The following WWC1 variants were observed in gnomAD, a reference collection of about 807,000 sequenced individuals.
The protein encoded by WWC1 is WW and C2 domain containing 1.
In WWC1, 55 loss-of-function variants were observed where a neutral mutation model predicts 138.4. That is an observed-to-expected ratio of 0.40 (90% confidence interval 0.32 to 0.50). The LOEUF (loss-of-function observed/expected upper bound fraction) is 0.50, where lower values mean the gene tolerates loss of function less well. Among genes scored for constraint, WWC1 ranks in the 20% least tolerant of loss-of-function variants. The pLI, the probability that WWC1 is intolerant of heterozygous loss-of-function variation, is 0.72. For missense variants in WWC1, 1,226 were observed against 1,420.4 expected (o/e 0.86, Z 2.20); for synonymous variants, 524 against 564.9 (o/e 0.93, Z 1.03).
At chr5:168,336,308 C>A (rs138596540) in intron 1 of WWC1, among the ~76,000 whole-genome samples, 1 of 152,032 alleles carries the variant, frequency 6.6e-6, no homozygotes, top group Admixed American at 6.5e-5. Context: ...CGGTGGCTCA[C>A]GCCTGTAATC....
intron 9 of WWC1, among the ~76,000 whole-genome samples, chr5:168,416,988 C>T (rs1438089391): frequency 6.6e-6 from 1 of 152,144 alleles, no homozygotes; most frequent in African/African-American, 2.4e-5. Context: ...CTGACTTAGC[C>T]TCCCGAGTAG....
chr5:168,382,060 T>G (rs1177267624), intron 2 of WWC1, among the ~76,000 whole-genome samples: 1 of 152,156 alleles, frequency 6.6e-6, no homozygotes, highest in Non-Finnish European at 1.5e-5. Context: ...GAACCCTTAC[T>G]GCAGCATTGA....
intron 14 of WWC1, among the ~76,000 whole-genome samples, chr5:168,430,862 G>A (rs1177489525): frequency 1.3e-5 from 2 of 152,196 alleles, no homozygotes; most frequent in African/African-American, 2.4e-5. Flanking sequence ...GCCTGTGAGG[G>A]TGGCACATGT....
chr5:168,437,961 TA>T (rs1434612888), intron 15 of WWC1, among the ~76,000 whole-genome samples: 3 of 152,208 alleles, frequency 2.0e-5, no homozygotes, highest in Admixed American at 2.0e-4. Context: ...AGGGAGTTTT[TA>T]CTGAATGAAT....
At chr5:168,346,257 A>G (rs1158561244) in intron 1 of WWC1, among the ~76,000 whole-genome samples, 1 of 152,178 alleles carries the variant, frequency 6.6e-6, no homozygotes, top group Non-Finnish European at 1.5e-5. Flanking sequence ...AAGTATAAAC[A>G]CTGTAAGGAG....
intron 21 of WWC1, 24 bp from the exon 22 acceptor site, chr5:168,467,816 C>T: frequency 6.2e-7 from 1 of 1,614,086 alleles, no homozygotes; most frequent in Non-Finnish European, 8.5e-7. Flanking sequence ...TCCACTGACT[C>T]AGGGCCTTGC....
chr5:168,308,022 G>A (rs1770738675), intron 1 of WWC1, among the ~76,000 whole-genome samples: 1 of 152,126 alleles, frequency 6.6e-6, no homozygotes, highest in Non-Finnish European at 1.5e-5. Flanking sequence ...GTGCCTGAAC[G>A]GCCTGTGGGC....
chr5:168,306,268 C>CGCCTGTAA (rs1228299429), intron 1 of WWC1, among the ~76,000 whole-genome samples: 5 of 152,066 alleles, frequency 3.3e-5, no homozygotes, highest in African/African-American at 4.8e-5. Context: ...TAGTGGCACA[C>CGCCTGTAA]TCCTGTAATA....
intron 1 of WWC1, among the ~76,000 whole-genome samples, chr5:168,338,311 A>AG (rs1292988894): frequency 8.4e-6 from 1 of 118,796 alleles, no homozygotes. Flanking sequence ...ACTTTGCCTC[A>AG]AAAAAAAAAA....
At chr5:168,351,083 G>A (rs1774913950) in intron 1 of WWC1, among the ~76,000 whole-genome samples, 3 of 151,362 alleles carry the variant, frequency 2.0e-5, no homozygotes, top group Admixed American at 2.0e-4. Flanking sequence ...GGAGATGGAG[G>A]TTGCAGTGAG....
intron 19 of WWC1, among the ~76,000 whole-genome samples, chr5:168,456,052 C>T (rs1582369583): frequency 1.3e-5 from 2 of 152,186 alleles, no homozygotes; most frequent in South Asian, 4.1e-4. Context: ...GTAAGCCCAA[C>T]ACTTCGGGAG....
At chr5:168,387,532 T>C (rs1246546169) in intron 3 of WWC1, among the ~76,000 whole-genome samples, 2 of 152,176 alleles carry the variant, frequency 1.3e-5, no homozygotes, top group Non-Finnish European at 2.9e-5. Flanking sequence ...TAAAATACCA[T>C]AGATTGGGTG....
At chr5:168,432,821 A>C (rs1224973011) in intron 15 of WWC1, among the ~76,000 whole-genome samples, 1 of 152,180 alleles carries the variant, frequency 6.6e-6, no homozygotes, top group African/African-American at 2.4e-5. Flanking sequence ...GTATGTGCAA[A>C]GGGGAAAAAC....
intron 3 of WWC1, among the ~76,000 whole-genome samples, chr5:168,390,423 C>T (rs1229018586): frequency 1.3e-5 from 2 of 152,158 alleles, no homozygotes; most frequent in Non-Finnish European, 2.9e-5. Flanking sequence ...CTCCCAAGAG[C>T]TCCACTGGCC....
intron 13 of WWC1, 56 bp from the exon 14 acceptor site, chr5:168,430,081 A>C: frequency 7.4e-7 from 1 of 1,358,298 alleles, no homozygotes; most frequent in Non-Finnish European, 1.0e-6. Context: ...GAGAGAAGGA[A>C]TGAGAGAGAT....
In WWC1 at chr5:168,339,853, C is replaced by G. The variant is rs1283849695; in HGVS notation, c.120-31571C>G. Reference sequence around the variant, plus strand: ...TTCTTTTTCTTTTCTTTCTTTCTTTCTCTCTTTCTCTCTCTCTCTCTCCCT... The same window carrying G: ...TTCTTTTTCTTTTCTTTCTTTCTTTGTCTCTTTCTCTCTCTCTCTCTCCCT... On this transcript the variant is annotated intron_variant, in intron 1 of 22. Transcript: ENST00000265293. Among the ~76,000 whole-genome samples the G allele has an allele frequency of 1.4e-5, 2 of 138,506 alleles. 1 individual carries two copies. Among genetic ancestry groups the G allele is most frequent in the South Asian group, 4.4e-4 (2 of 4,542 alleles). 90.9% of individuals were successfully genotyped at this position (138,506 alleles called of 152,430 possible). A position where few individuals can be genotyped will look rare whatever the true frequency, so the allele number is the denominator to read the frequency against.
Position 168,406,182 on chromosome 5 carries a change from A to G in WWC1, c.591-16A>G, listed in dbSNP as rs1446457842. ...ACCCTATCTAAGGCTGACCTTTCCCATTAACTGTCTCCTAGAATCGATAAG... is the reference window on the plus strand; with the variant it reads ...ACCCTATCTAAGGCTGACCTTTCCCGTTAACTGTCTCCTAGAATCGATAAG... On this transcript the variant is annotated splice_polypyrimidine_tract_variant and intron_variant, in intron 5 of 22. Coordinates refer to ENST00000265293, the MANE Select transcript of WWC1 (RefSeq NM_015238.3). 6.8e-6 allele frequency: 11 copies of G among 1,613,108 alleles called. No individual in the cohort carries two copies. Among genetic ancestry groups the G allele is most frequent in the Non-Finnish European group, 9.3e-6 (11 of 1,179,402 alleles).
At chr5:168,425,658 A>AT (rs201393086) in intron 11 of WWC1, among the ~76,000 whole-genome samples, 46,823 of 146,796 alleles carry the variant, frequency 0.32, 7,913 homozygotes, top group East Asian at 0.62. Flanking sequence ...TGCCTGGCTA[A>AT]TTTTTTTTTT....
At chr5:168,446,131 A>AAAGGT (rs1755237413) in intron 17 of WWC1, among the ~76,000 whole-genome samples, 2 of 152,140 alleles carry the variant, frequency 1.3e-5, no homozygotes, top group African/African-American at 4.8e-5. Context: ...GTCTGCTTCA[A>AAAGGT]AAGGTAACTG....
Sources: gnomAD v4.1 joint callset for allele counts (sites outside exome capture counted in the v4.1 genomes callset) on GRCh38, gnomAD v4.1.1 for gene constraint, MANE v1.5 for transcripts, NCBI Gene and HGNC (gene_info 2026-07-23, HGNC 2026-07-21) for gene names.